Variants in SDK1 observed in about 807,000 individuals in gnomAD.
SDK1 encodes protein sidekick-1.
SDK1 carries 157 observed loss-of-function variants against 245.5 expected under a neutral mutation model. The ratio of observed to expected loss-of-function variants is 0.64; its 90% CI spans 0.56 to 0.73. The LOEUF (loss-of-function observed/expected upper bound fraction) is 0.73, where lower values mean the gene tolerates loss of function less well. SDK1 is among the 30% of genes least tolerant of loss of function. SDK1 has a pLI of 0.00. For synonymous variants in SDK1, 1,647 were observed against 1,278.5 expected (o/e 1.29, Z -6.15); for missense variants, 3,583 against 3,002.3 (o/e 1.19, Z -4.52).
intron 5 of SDK1, among the ~76,000 whole-genome samples, chr7:3,914,180 C>T (rs1191341779): frequency 6.6e-6 from 1 of 152,198 alleles, no homozygotes; most frequent in African/African-American, 2.4e-5. Flanking sequence ...TTCATTTATG[C>T]CTTTATCATA....
chr7:3,842,622 T>C (rs1780186651), intron 5 of SDK1, among the ~76,000 whole-genome samples: 1 of 152,132 alleles, frequency 6.6e-6, no homozygotes, highest in African/African-American at 2.4e-5. Flanking sequence ...TGGTATACTG[T>C]CAGTGGACAG....
At chr7:3,830,748 C>T (rs565674365) in intron 5 of SDK1, among the ~76,000 whole-genome samples, 4 of 152,278 alleles carry the variant, frequency 2.6e-5, no homozygotes, top group Non-Finnish European at 4.4e-5. Context: ...CGTCCTGTCT[C>T]GGCCTCCCAA....
chr7:3,759,899 C>G (rs556267561), intron 4 of SDK1, among the ~76,000 whole-genome samples: 1 of 152,170 alleles, frequency 6.6e-6, no homozygotes, highest in African/African-American at 2.4e-5. Flanking sequence ...AGGCTTTTCC[C>G]CATTATTTTA....
At chr7:4,062,464 A>G (rs1161876051) in intron 19 of SDK1, among the ~76,000 whole-genome samples, 1 of 152,214 alleles carries the variant, frequency 6.6e-6, no homozygotes, top group Non-Finnish European at 1.5e-5. Context: ...TGAGTCAGTA[A>G]TAACTCTCCC....
At chr7:3,710,047 G>T (rs1342460891) in intron 4 of SDK1, among the ~76,000 whole-genome samples, 1 of 152,200 alleles carries the variant, frequency 6.6e-6, no homozygotes, top group African/African-American at 2.4e-5. Context: ...AAAAATCAGA[G>T]ATTTTATTAA....
intron 30 of SDK1, among the ~76,000 whole-genome samples, chr7:4,149,969 C>T (rs1192925776): frequency 2.0e-5 from 3 of 151,688 alleles, no homozygotes; most frequent in East Asian, 1.9e-4. Flanking sequence ...GCCTAGGACA[C>T]GACTAGAATC....
At chr7:3,832,367 C>T (rs1343275816) in intron 5 of SDK1, among the ~76,000 whole-genome samples, 1 of 152,174 alleles carries the variant, frequency 6.6e-6, no homozygotes, top group East Asian at 1.9e-4. Flanking sequence ...GATTGGTCAC[C>T]TTTTGGTAGC....
At chr7:3,906,313 T>C (rs1778924652) in intron 5 of SDK1, among the ~76,000 whole-genome samples, 1 of 152,238 alleles carries the variant, frequency 6.6e-6, no homozygotes, top group Non-Finnish European at 1.5e-5. Context: ...CCCAAATTAT[T>C]GTAGTAAGTT....
chr7:3,593,180 G>T (rs1780939677), intron 1 of SDK1, among the ~76,000 whole-genome samples: 2 of 152,174 alleles, frequency 1.3e-5, no homozygotes, highest in African/African-American at 4.8e-5. Flanking sequence ...TTAATTTCTT[G>T]ACTTTAAGAA....
At chr7:3,836,588 A>T (rs990821148) in intron 5 of SDK1, among the ~76,000 whole-genome samples, 1 of 152,212 alleles carries the variant, frequency 6.6e-6, no homozygotes, top group Non-Finnish European at 1.5e-5. Context: ...GAACATGTAG[A>T]AGCAACAGGC....
intron 19 of SDK1, among the ~76,000 whole-genome samples, chr7:4,061,334 G>T (rs993570550): frequency 6.6e-6 from 1 of 152,078 alleles, no homozygotes; most frequent in African/African-American, 2.4e-5. Flanking sequence ...GTGGTTTGTA[G>T]TTCTCCTTGA....
intron 19 of SDK1, among the ~76,000 whole-genome samples, chr7:4,053,283 G>T (rs1778995116): frequency 1.3e-5 from 2 of 151,800 alleles, no homozygotes; most frequent in African/African-American, 4.8e-5. Context: ...GGTGACATTT[G>T]CAGAGGCCAA....
intron 5 of SDK1, among the ~76,000 whole-genome samples, chr7:3,875,500 CT>C: frequency 6.6e-6 from 1 of 152,324 alleles, no homozygotes; most frequent in East Asian, 1.9e-4. Flanking sequence ...GAGTTTTTGC[CT>C]CTCCTATGCA....
chr7:3,534,720 G>C (rs73673603), intron 1 of SDK1, among the ~76,000 whole-genome samples: 2 of 152,172 alleles, frequency 1.3e-5, no homozygotes, highest in African/African-American at 4.8e-5. Context: ...TAGATAGTGA[G>C]GGTATGGAAG....
At chr7:3,849,264 A>C (rs1005287237) in intron 5 of SDK1, among the ~76,000 whole-genome samples, 6 of 151,256 alleles carry the variant, frequency 4.0e-5, no homozygotes, top group African/African-American at 1.5e-4. Context: ...AGATGCACCC[A>C]CTCCTGGCTC....
At chr7:3,606,196 C>G (rs925955139) in intron 1 of SDK1, among the ~76,000 whole-genome samples, 1 of 152,102 alleles carries the variant, frequency 6.6e-6, no homozygotes, top group African/African-American at 2.4e-5. Flanking sequence ...GTTTTTCTGG[C>G]CAGAAATTTT....
chr7:3,420,661 T>A (rs1779510483), intron 1 of SDK1, among the ~76,000 whole-genome samples: 1 of 152,204 alleles, frequency 6.6e-6, no homozygotes, highest in South Asian at 2.1e-4. Flanking sequence ...AAGTTGTTAT[T>A]TTAGAGAAAG....
At chr7:3,938,645 C>CAAAAAAAAAAAA (rs559065786) in intron 5 of SDK1, among the ~76,000 whole-genome samples, 3 of 90,586 alleles carry the variant, frequency 3.3e-5, no homozygotes, top group African/African-American at 5.4e-5. Flanking sequence ...GACTCCGTCT[C>CAAAAAAAAAAAA]AAAAAAAAAA....
intron 5 of SDK1, among the ~76,000 whole-genome samples, chr7:3,935,370 G>T (rs1259625309): frequency 6.6e-6 from 1 of 152,102 alleles, no homozygotes; most frequent in Non-Finnish European, 1.5e-5. Flanking sequence ...TAAAAGCACA[G>T]GCAACAAAAG....
Sources: allele counts gnomAD v4.1 joint callset (sites outside exome capture counted in the v4.1 genomes callset), GRCh38; gene constraint gnomAD v4.1.1; transcripts MANE v1.5; gene names NCBI Gene and HGNC (gene_info 2026-07-23, HGNC 2026-07-21).